TOM1L1: variants seen among roughly 807,000 people sequenced by gnomAD.
TOM1L1 encodes the protein target of myb1 like 1 membrane trafficking protein, also known as TOM1-like protein 1.
A neutral mutation model predicts 63.4 loss-of-function variants in TOM1L1; 64 were observed. That is an observed-to-expected ratio of 1.01 (90% confidence interval 0.83 to 1.24). TOM1L1 has a LOEUF of 1.24. TOM1L1 is among the 50% of genes most tolerant of loss of function. The pLI, the probability that TOM1L1 is intolerant of heterozygous loss-of-function variation, is 0.00. For missense variants in TOM1L1, 536 were observed against 567.0 expected (o/e 0.95, Z 0.55); for synonymous variants, 166 against 194.4 (o/e 0.85, Z 1.22).
At chr17:54,931,883 G>C (rs1211101054) in intron 8 of TOM1L1, among the ~76,000 whole-genome samples, 3 of 151,986 alleles carry the variant, frequency 2.0e-5, no homozygotes, top group African/African-American at 7.3e-5. Flanking sequence ...TCAGAGAAGG[G>C]CATCGACTGA....
chr17:54,929,651 A>G (rs2048823741), intron 7 of TOM1L1, among the ~76,000 whole-genome samples: 1 of 151,856 alleles, frequency 6.6e-6, no homozygotes, highest in Non-Finnish European at 1.5e-5. Context: ...CACACATCTC[A>G]TTTGATTTTT....
chr17:54,941,026 T>C (rs989890575), intron 11 of TOM1L1, among the ~76,000 whole-genome samples: 1 of 152,208 alleles, frequency 6.6e-6, no homozygotes, highest in Non-Finnish European at 1.5e-5. Flanking sequence ...CCCTCTCTCC[T>C]TTTCCCTAGT....
chr17:54,921,844 A>G (rs2143816603), intron 7 of TOM1L1, among the ~76,000 whole-genome samples: 1 of 152,356 alleles, frequency 6.6e-6, no homozygotes, highest in Non-Finnish European at 1.5e-5. Flanking sequence ...AAATTCATGT[A>G]TAACTTTTGA....
chr17:54,914,072 G>A (rs1178388357), intron 5 of TOM1L1, among the ~76,000 whole-genome samples, 199 bp downstream of exon 5: 1 of 152,190 alleles, frequency 6.6e-6, no homozygotes, highest in Non-Finnish European at 1.5e-5. Flanking sequence ...AAGTATGAAA[G>A]TTTGTTTGGC....
chr17:54,902,340 C>T (rs569276489), intron 1 of TOM1L1, among the ~76,000 whole-genome samples: 3 of 152,284 alleles, frequency 2.0e-5, no homozygotes, highest in East Asian at 3.9e-4. Context: ...GACACCCAGG[C>T]TGGAGTGCAG....
At chr17:54,954,482 T>C (rs2049392750) in intron 14 of TOM1L1, 1 of 152,304 alleles carries the variant, frequency 6.6e-6, no homozygotes, top group Non-Finnish European at 1.5e-5. Context: ...AACAGGGGCC[T>C]GCTATTGCCA....
rs1428237752 is a variant in TOM1L1, at chr17:54,961,251, A to T, written c.*18A>T. 1 of 1,547,858 alleles carries T rather than the reference A, an allele frequency of 6.5e-7. No homozygotes were observed. The highest frequency in any genetic ancestry group is 8.7e-7 in the Non-Finnish European group (1 of 1,143,518). On this transcript the variant is annotated 3_prime_UTR_variant, in exon 16 of 16. Coordinates refer to ENST00000575882, the MANE Select transcript of TOM1L1 (RefSeq NM_005486.3). ...TTATTTTAGAAGAAAGTGGATGATC[A>T]GCTCACTACCACATCAAAGGTGCCA...
intron 2 of TOM1L1, among the ~76,000 whole-genome samples, chr17:54,904,514 A>G (rs1372458201): frequency 1.3e-5 from 2 of 152,198 alleles, no homozygotes; most frequent in African/African-American, 2.4e-5. Context: ...ATTTCTGAGC[A>G]ATTATTTCTA....
At chr17:54,949,286 C>T (rs988924580) in intron 12 of TOM1L1, among the ~76,000 whole-genome samples, 1 of 149,388 alleles carries the variant, frequency 6.7e-6, no homozygotes, top group South Asian at 2.1e-4. Context: ...ATCCTCCCAC[C>T]TATCCTCCCA....
chr17:54,957,414 C>A (rs932319466), intron 14 of TOM1L1: 1 of 152,088 alleles, frequency 6.6e-6, no homozygotes, highest in East Asian at 1.9e-4. Flanking sequence ...TTTCTAGAAA[C>A]GTTTTTTTAA....
intron 7 of TOM1L1, among the ~76,000 whole-genome samples, chr17:54,926,554 A>G (rs1291058230): frequency 6.6e-6 from 1 of 152,112 alleles, no homozygotes; most frequent in Non-Finnish European, 1.5e-5. Context: ...TTGAAATGAC[A>G]ACTACAGAAA....
At chr17:54,915,600 A>G in intron 6 of TOM1L1, 146 bp from the exon 7 acceptor site, 1 of 483,438 alleles carries the variant, frequency 2.1e-6, no homozygotes, top group Non-Finnish European at 3.6e-6. Flanking sequence ...AACTATATGT[A>G]TATTTATATG....
intron 7 of TOM1L1, among the ~76,000 whole-genome samples, chr17:54,928,849 A>AT (rs2048811312): frequency 6.6e-6 from 1 of 151,632 alleles, no homozygotes; most frequent in Non-Finnish European, 1.5e-5. Flanking sequence ...TCTTTTCAAT[A>AT]TTTTTTGTTA....
In TOM1L1 at chr17:54,913,743, T is replaced by C. The variant is rs753932799; in HGVS notation, c.373-5T>C. 1 of 1,603,404 alleles carries C rather than the reference T, an allele frequency of 6.2e-7. No homozygotes were observed. Among genetic ancestry groups the C allele is most frequent in the South Asian group, 1.1e-5 (1 of 90,486 alleles). ...TCTGGAACTTTTTTCATCTCTTGAA[T>C]TCAGACTTGGTCACAGGGCTTCCCA... On this transcript the variant is annotated splice_polypyrimidine_tract_variant and splice_region_variant and intron_variant, in intron 4 of 15. Coordinates refer to ENST00000575882, the MANE Select transcript of TOM1L1 (RefSeq NM_005486.3).
At chr17:54,933,514 G>A (rs1055736324) in intron 8 of TOM1L1, among the ~76,000 whole-genome samples, 1 of 152,118 alleles carries the variant, frequency 6.6e-6, no homozygotes, top group Non-Finnish European at 1.5e-5. Flanking sequence ...TGGGGGCACA[G>A]CTTGGTTTTT....
At chr17:54,901,146 T>G (rs1254109148) in intron 1 of TOM1L1, 6 of 624,596 alleles carry the variant, frequency 9.6e-6, no homozygotes, top group Non-Finnish European at 1.7e-5. Context: ...AAATGTACCT[T>G]CCTTTCGATG....
At chr17:54,923,820 G>A (rs1364836799) in intron 7 of TOM1L1, among the ~76,000 whole-genome samples, 1 of 151,578 alleles carries the variant, frequency 6.6e-6, no homozygotes, top group Admixed American at 6.6e-5. Context: ...TTGTATTATA[G>A]CTTTTTAAAA....
chr17:54,947,315 A>G lies in TOM1L1; in HGVS notation c.1182+3A>G. ...CCTCAAGCCACGCATATGATAATGT[A>G]AGTAACAAAACTCTTTTCTAGCAGT... On this transcript the variant is annotated splice_donor_region_variant and intron_variant, in intron 12 of 15. Transcript: ENST00000575882. The G allele has an allele frequency of 6.2e-7, 1 of 1,614,092 alleles. No individual in the cohort carries two copies.
At position 54,913,738 on chromosome 17, in the gene TOM1L1, T is replaced by G. The variant is rs760607184; in HGVS notation, c.373-10T>G. 4.2e-5 allele frequency: 68 copies of G among 1,600,914 alleles called. No homozygotes were observed. Among genetic ancestry groups the G allele is most frequent in the Admixed American group, 6.8e-5 (4 of 58,398 alleles). On this transcript the variant is annotated splice_polypyrimidine_tract_variant and intron_variant, in intron 4 of 15. Transcript: ENST00000575882. Reference sequence around the variant, plus strand: ...TTAACTCTGGAACTTTTTTCATCTCTTGAATTCAGACTTGGTCACAGGGCT... The same window carrying G: ...TTAACTCTGGAACTTTTTTCATCTCGTGAATTCAGACTTGGTCACAGGGCT...
Sources: gnomAD v4.1 joint callset for allele counts (sites outside exome capture counted in the v4.1 genomes callset) on GRCh38, gnomAD v4.1.1 for gene constraint, MANE v1.5 for transcripts, NCBI Gene and HGNC (gene_info 2026-07-23, HGNC 2026-07-21) for gene names.